The following C8orf88 variants were observed in gnomAD, a reference collection of about 807,000 sequenced individuals.
C8orf88 encodes the protein chromosome 8 open reading frame 88.
C8orf88 carries 14 observed loss-of-function variants against 18.4 expected under a neutral mutation model. That is an observed-to-expected ratio of 0.76 (90% CI 0.50 to 1.19). The LOEUF is 1.19. Ranked by LOEUF, C8orf88 falls within the 50% of genes most tolerant of loss-of-function variation. The pLI is 0.00. For missense variants in C8orf88, 116 were observed against 134.7 expected (o/e 0.86, Z 0.69); for synonymous variants, 45 against 42.9 (o/e 1.05, Z -0.19).
intron 3 of C8orf88, among the ~76,000 whole-genome samples, chr8:90,977,342 T>C (rs1199998310): frequency 6.6e-6 from 1 of 152,202 alleles, no homozygotes; most frequent in Non-Finnish European, 1.5e-5. Context: ...GAAGAGTAAT[T>C]TGGCAGTATC....
At position 90,958,980 on chromosome 8, in the gene C8orf88, A is replaced by C; in HGVS notation, c.*27T>G. 2 of 1,389,984 alleles carry C rather than the reference A, an allele frequency of 1.4e-6. No individual in the cohort carries two copies. The highest frequency in any genetic ancestry group is 1.9e-6 in the Non-Finnish European group (2 of 1,032,848). 86.1% of individuals were successfully genotyped at this position (1,389,984 alleles called of 1,614,324 possible). A position where few individuals can be genotyped will look rare whatever the true frequency, so the allele number is the denominator to read the frequency against. ...GATCCACCTCATTTGCAGATGTCCA[A>C]ACTTAAATTCATCTGTTCTTAAAAT... On this transcript the variant is annotated 3_prime_UTR_variant, in exon 6 of 6. Transcript: ENST00000517562.
chr8:90,969,871 G>A (rs550961435), intron 4 of C8orf88, among the ~76,000 whole-genome samples: 37 of 151,672 alleles, frequency 2.4e-4, no homozygotes, highest in Middle Eastern at 6.8e-3. Flanking sequence ...AGTCCACTCC[G>A]GAAAAAAAGC....
At position 90,978,645 on chromosome 8, in the gene C8orf88, C is replaced by A. The variant is rs571494044; in HGVS notation, c.81G>T (p.Val27=). Residue 27 remains valine, a synonymous_variant, in exon 3 of 6, where the codon GTG becomes GTT. Coordinates refer to ENST00000517562, the MANE Select transcript of C8orf88 (RefSeq NM_001190972.2). The stretch of plus-strand genomic sequence containing the variant: ...ATTCGTTTTGAAAGTTGAAAGGGAA[C>A]ACTGCTCCTGTTAGGAGAGGAAGAA... ...VRHLTSPPGA[V]FPFNFQNEYP... 3.9e-6 allele frequency: 6 copies of A among 1,521,596 alleles called. No individual in the cohort carries two copies. The African/African-American group carries it at 5.5e-5, about 14-fold the overall frequency. The allele number at this position is 1,521,596 out of a possible 1,614,324, so 94.3% of individuals were successfully genotyped here. A position where few individuals can be genotyped will look rare whatever the true frequency, so the allele number is the denominator to read the frequency against.
intron 4 of C8orf88, among the ~76,000 whole-genome samples, chr8:90,962,884 A>G (rs912455761): frequency 3.3e-5 from 5 of 151,626 alleles, no homozygotes; most frequent in African/African-American, 1.2e-4. Context: ...AACATTAGGC[A>G]TACCAAAAAG....
At chr8:90,973,823 A>C (rs955410933) in intron 3 of C8orf88, among the ~76,000 whole-genome samples, 1 of 152,032 alleles carries the variant, frequency 6.6e-6, no homozygotes, top group African/African-American at 2.4e-5. Flanking sequence ...GCCTCTTGTC[A>C]CTCATCTTAA....
chr8:90,976,809 A>G (rs1022264731), intron 3 of C8orf88, among the ~76,000 whole-genome samples: 1 of 152,108 alleles, frequency 6.6e-6, no homozygotes. Flanking sequence ...AATCACCTTG[A>G]GGTAGACTAC....
At chr8:90,985,018 G>C (rs1235671179) in intron 1 of C8orf88, 96 bp downstream of exon 1, 1 of 152,476 alleles carries the variant, frequency 6.6e-6, no homozygotes, top group African/African-American at 2.4e-5. Flanking sequence ...CAACTTTCCC[G>C]GGGTCGGGCC....
chr8:90,967,994 C>T (rs1811227282), intron 4 of C8orf88, among the ~76,000 whole-genome samples: 1 of 151,648 alleles, frequency 6.6e-6, no homozygotes, highest in African/African-American at 2.4e-5. Context: ...GGCAATATTC[C>T]TCTCAAAGTG....
At chr8:90,975,678 C>T (rs1051730361) in intron 3 of C8orf88, among the ~76,000 whole-genome samples, 6 of 151,884 alleles carry the variant, frequency 4.0e-5, no homozygotes, top group African/African-American at 1.2e-4. Context: ...TCTGGAGCTC[C>T]CTCATATTAC....
At chr8:90,976,747 A>T (rs1811357071) in intron 3 of C8orf88, among the ~76,000 whole-genome samples, 1 of 152,128 alleles carries the variant, frequency 6.6e-6, no homozygotes, top group Non-Finnish European at 1.5e-5. Context: ...TATGCTTTAC[A>T]ATCAGTTGCT....
chr8:90,982,737 T>A (rs1811451058), intron 1 of C8orf88, among the ~76,000 whole-genome samples: 1 of 152,136 alleles, frequency 6.6e-6, no homozygotes, highest in South Asian at 2.1e-4. Flanking sequence ...TTAGAAAAGA[T>A]GGTGTCATTC....
chr8:90,971,212 A>C, intron 3 of C8orf88, 71 bp from the exon 4 acceptor site: 1 of 782,256 alleles, frequency 1.3e-6, no homozygotes, highest in East Asian at 2.9e-5. Context: ...TTAACTACCC[A>C]AAAATATTTT....
intron 1 of C8orf88, among the ~76,000 whole-genome samples, chr8:90,982,222 A>C (rs1247635632): frequency 6.6e-6 from 1 of 152,138 alleles, no homozygotes; most frequent in Non-Finnish European, 1.5e-5. Flanking sequence ...TGGATATAAC[A>C]AGATGAAAAA....
intron 3 of C8orf88, 108 bp from the exon 4 acceptor site, chr8:90,971,249 G>C (rs145259168): frequency 1.7e-4 from 87 of 503,862 alleles, no homozygotes; most frequent in African/African-American, 1.7e-3. Flanking sequence ...TTTAGTAGGA[G>C]CTAAGTAATA....
chr8:90,974,407 T>A (rs1811320405), intron 3 of C8orf88, among the ~76,000 whole-genome samples: 2 of 152,120 alleles, frequency 1.3e-5, no homozygotes, highest in Admixed American at 6.6e-5. Flanking sequence ...TCCAAGCCAA[T>A]GGCCAGTATT....
chr8:90,977,481 C>T (rs541977989), intron 3 of C8orf88, among the ~76,000 whole-genome samples: 6 of 151,986 alleles, frequency 3.9e-5, no homozygotes, highest in Admixed American at 1.3e-4. Flanking sequence ...TAGAAACAAG[C>T]GCCCATCAAC....
chr8:90,985,230 G>T lies in C8orf88; in HGVS notation c.-143C>A. The T allele has an allele frequency of 6.7e-6, 1 of 148,500 alleles. No homozygotes were observed. The highest frequency in any genetic ancestry group is 2.0e-4 in the South Asian group (1 of 5,066). The allele number at this position is 148,500 out of a possible 1,614,324, so 9.2% of individuals were successfully genotyped here. On this transcript the variant is annotated 5_prime_UTR_variant, in exon 1 of 6. Transcript: ENST00000517562. The stretch of plus-strand genomic sequence containing the variant: ...GGCTCCTGCCGCTGGTCCGCTGGCT[G>T]ACCGCGGTGGCGGCGGCGGGGGGCG...
At chr8:90,982,324 C>A (rs1811445179) in intron 1 of C8orf88, among the ~76,000 whole-genome samples, 1 of 152,054 alleles carries the variant, frequency 6.6e-6, no homozygotes, top group Admixed American at 6.5e-5. Context: ...GACCAAAAAG[C>A]AACCTAATAT....
intron 3 of C8orf88, among the ~76,000 whole-genome samples, chr8:90,973,714 G>A (rs193130848): frequency 1.3e-5 from 2 of 152,108 alleles, no homozygotes; most frequent in Admixed American, 1.3e-4. Context: ...AAACTCCTGG[G>A]CTCAAGTGAT....
Sources: allele counts gnomAD v4.1 joint callset (sites outside exome capture counted in the v4.1 genomes callset), GRCh38; gene constraint gnomAD v4.1.1; transcripts MANE v1.5; gene names NCBI Gene and HGNC (gene_info 2026-07-23, HGNC 2026-07-21).